The following ADK variants were observed in gnomAD, a reference collection of about 807,000 sequenced individuals.
The protein encoded by ADK is N6,N6-dimethyladenosine kinase.
In ADK, 24 loss-of-function variants were observed where a neutral mutation model predicts 44.7. That is an observed-to-expected ratio of 0.54 (90% CI 0.39 to 0.76). The LOEUF is 0.76. Ranked by LOEUF, ADK falls within the 30% of genes least tolerant of loss-of-function variation. The pLI, the probability that ADK is intolerant of heterozygous loss-of-function variation, is 0.00. For synonymous variants in ADK, 128 were observed against 142.6 expected, an observed-to-expected ratio of 0.90 and a Z score of 0.73; for missense variants, 321 against 425.1, an observed-to-expected ratio of 0.76 and a Z score of 2.15.
chr10:74,325,285 T>C (rs79748226), intron 4 of ADK, among the ~76,000 whole-genome samples: 109 of 152,332 alleles, frequency 7.2e-4, no homozygotes, highest in African/African-American at 2.5e-3. Context: ...TTTGTTTTTT[T>C]CAGATAGTTT....
At chr10:74,380,277 T>A (rs985763071) in intron 4 of ADK, among the ~76,000 whole-genome samples, 3 of 152,196 alleles carry the variant, frequency 2.0e-5, no homozygotes, top group Admixed American at 2.0e-4. Context: ...ATCATTAGAT[T>A]GGATTGACTG....
intron 4 of ADK, among the ~76,000 whole-genome samples, chr10:74,346,661 C>T (rs1360766436): frequency 6.6e-6 from 1 of 151,874 alleles, no homozygotes; most frequent in Non-Finnish European, 1.5e-5. Context: ...GGTTTTTTTT[C>T]CCCTTGCACT....
intron 2 of ADK, among the ~76,000 whole-genome samples, chr10:74,212,999 G>C (rs191819836): frequency 3.9e-5 from 6 of 152,320 alleles, no homozygotes; most frequent in African/African-American, 1.2e-4. Flanking sequence ...AGAGGGGCTT[G>C]AAAGATTGAA....
intron 7 of ADK, among the ~76,000 whole-genome samples, chr10:74,550,743 C>G (rs139809946): frequency 1.5e-3 from 227 of 152,178 alleles, no homozygotes; most frequent in African/African-American, 5.1e-3. Flanking sequence ...AGAATATAGG[C>G]CTACCAGTAC....
intron 4 of ADK, among the ~76,000 whole-genome samples, chr10:74,385,564 A>G (rs767580207): frequency 2.9e-4 from 44 of 152,218 alleles, no homozygotes; most frequent in Admixed American, 6.5e-5. Context: ...ATAATGTCCA[A>G]CAAATAATAG....
At chr10:74,230,805 C>T (rs1218709339) in intron 3 of ADK, among the ~76,000 whole-genome samples, 1 of 152,030 alleles carries the variant, frequency 6.6e-6, no homozygotes, top group Non-Finnish European at 1.5e-5. Context: ...CCTCAGCCTC[C>T]TGAGTAGCTG....
At chr10:74,403,271 T>A (rs1461494236) in intron 6 of ADK, among the ~76,000 whole-genome samples, 1 of 152,188 alleles carries the variant, frequency 6.6e-6, no homozygotes. Flanking sequence ...TCTCCAAAGC[T>A]GTCAGACAGG....
At chr10:74,540,401 C>T (rs1354628174) in intron 7 of ADK, among the ~76,000 whole-genome samples, 9 of 151,372 alleles carry the variant, frequency 5.9e-5, no homozygotes, top group Admixed American at 5.3e-4. Flanking sequence ...TATAGTATGC[C>T]ATAATATAAA....
At chr10:74,533,116 T>C (rs1849348810) in intron 7 of ADK, among the ~76,000 whole-genome samples, 1 of 152,150 alleles carries the variant, frequency 6.6e-6, no homozygotes, top group African/African-American at 2.4e-5. Flanking sequence ...CAAAGATGTA[T>C]ACACTGAACA....
chr10:74,609,722 C>A (rs1036051686), intron 9 of ADK, among the ~76,000 whole-genome samples: 6 of 152,152 alleles, frequency 3.9e-5, no homozygotes, highest in African/African-American at 1.4e-4. Flanking sequence ...TTTAAATGAT[C>A]ACACTGTTAA....
rs371700839 is a variant in ADK at position 74,569,064 on chromosome 10, A to G, written c.727-20218A>G. ...TCCTTGCAGTAGTTTGCTGAGAATGATGGTCTCCAGCTTCATCCATGTCCC... is the reference window on the plus strand; with the variant it reads ...TCCTTGCAGTAGTTTGCTGAGAATGGTGGTCTCCAGCTTCATCCATGTCCC... On this transcript the variant is annotated intron_variant, in intron 7 of 10. Coordinates refer to ENST00000539909, the MANE Select transcript of ADK (RefSeq NM_006721.4). Among the ~76,000 whole-genome samples, 5 of 151,994 alleles carry G rather than the reference A, an allele frequency of 3.3e-5. No individual in the cohort carries two copies. The East Asian group carries it at 9.6e-4, about 29-fold the overall frequency.
At chr10:74,282,916 T>C (rs886309732) in intron 3 of ADK, among the ~76,000 whole-genome samples, 4 of 152,182 alleles carry the variant, frequency 2.6e-5, no homozygotes, top group Non-Finnish European at 4.4e-5. Context: ...CTGTCAAGAA[T>C]CTATTGAAAA....
At chr10:74,285,362 A>G (rs1411198993) in intron 3 of ADK, among the ~76,000 whole-genome samples, 1 of 152,206 alleles carries the variant, frequency 6.6e-6, no homozygotes, top group African/African-American at 2.4e-5. Context: ...ACAGAGATAT[A>G]AGAGAAGCAT....
chr10:74,680,153 A>G (rs1288242974), intron 10 of ADK, among the ~76,000 whole-genome samples: 1 of 151,874 alleles, frequency 6.6e-6, no homozygotes, highest in African/African-American at 2.4e-5. Context: ...TCTCTACTAA[A>G]AATACAAAAA....
intron 1 of ADK, among the ~76,000 whole-genome samples, chr10:74,164,148 A>G (rs1223068966): frequency 1.3e-5 from 2 of 152,250 alleles, no homozygotes; most frequent in African/African-American, 2.4e-5. Flanking sequence ...TTGTTCATCC[A>G]AATGTATTAA....
At chr10:74,396,255 C>A (rs1344846489) in intron 5 of ADK, among the ~76,000 whole-genome samples, 2 of 152,042 alleles carry the variant, frequency 1.3e-5, no homozygotes, top group African/African-American at 4.8e-5. Context: ...AGAAATTGGC[C>A]GGGTGTGGTG....
intron 4 of ADK, among the ~76,000 whole-genome samples, chr10:74,344,261 T>G (rs1358265275): frequency 6.6e-6 from 1 of 152,196 alleles, no homozygotes; most frequent in Non-Finnish European, 1.5e-5. Context: ...GGTATTAATT[T>G]TTTTAAAAGA....
chr10:74,248,153 C>T (rs1044395545), intron 3 of ADK, among the ~76,000 whole-genome samples: 11 of 152,046 alleles, frequency 7.2e-5, no homozygotes, highest in African/African-American at 2.2e-4. Context: ...GGGCTTCCTT[C>T]GTGTAGAAGA....
At chr10:74,202,668 A>G (rs182899316) in intron 2 of ADK, among the ~76,000 whole-genome samples, 11 of 152,294 alleles carry the variant, frequency 7.2e-5, no homozygotes, top group African/African-American at 2.6e-4. Context: ...TGGGTGTGAA[A>G]TGATGTCTCA....
Sources: allele counts gnomAD v4.1 joint callset (sites outside exome capture counted in the v4.1 genomes callset), GRCh38; gene constraint gnomAD v4.1.1; transcripts MANE v1.5; gene names NCBI Gene and HGNC (gene_info 2026-07-23, HGNC 2026-07-21).